Variants in RXFP1 observed in about 807,000 individuals in gnomAD.
RXFP1 encodes relaxin family peptide receptor 1.
Under a neutral mutation model 89.8 loss-of-function variants are expected in RXFP1, and 73 were observed. The observed-to-expected ratio is 0.81, with a 90% confidence interval of 0.67 to 0.99. The LOEUF (loss-of-function observed/expected upper bound fraction) is 0.99, where lower values mean the gene tolerates loss of function less well. RXFP1 is among the 50% of genes least tolerant of loss of function. The probability of loss-of-function intolerance (pLI) is 0.00; values close to 1 mark genes in which losing one functional copy is unlikely to be tolerated. For missense variants in RXFP1, 793 were observed against 895.5 expected (o/e 0.89, Z 1.46); for synonymous variants, 277 against 305.5 (o/e 0.91, Z 0.97).
chr4:158,545,039 G>T (rs1307803494), intron 1 of RXFP1, among the ~76,000 whole-genome samples: 1 of 151,466 alleles, frequency 6.6e-6, no homozygotes. Flanking sequence ...TTCCACAATG[G>T]TTGAACTAGT....
At chr4:158,650,562 A>G (rs1430400899) in intron 17 of RXFP1, among the ~76,000 whole-genome samples, 1 of 151,904 alleles carries the variant, frequency 6.6e-6, no homozygotes, top group African/African-American at 2.4e-5. Flanking sequence ...TGAGGTCAGG[A>G]GTTGGAGACC....
intron 9 of RXFP1, among the ~76,000 whole-genome samples, chr4:158,622,878 C>T (rs897335738): frequency 6.6e-6 from 1 of 152,112 alleles, no homozygotes; most frequent in African/African-American, 2.4e-5. Flanking sequence ...AAGAAATTAA[C>T]TATGTAAGGT....
intron 2 of RXFP1, among the ~76,000 whole-genome samples, chr4:158,582,474 C>T (rs556247087): frequency 4.6e-5 from 7 of 152,204 alleles, no homozygotes; most frequent in African/African-American, 7.2e-5. Context: ...GGTCCTCTGC[C>T]GTAAGTCACC....
chr4:158,625,061 A>T (rs1333561193), intron 9 of RXFP1, among the ~76,000 whole-genome samples: 3 of 140,364 alleles, frequency 2.1e-5, no homozygotes, highest in Non-Finnish European at 4.5e-5. Context: ...CATTAAGCGC[A>T]TTTTGTGAGA....
intron 10 of RXFP1, among the ~76,000 whole-genome samples, chr4:158,627,555 T>C (rs1169495184): frequency 6.9e-6 from 1 of 145,374 alleles, no homozygotes; most frequent in Admixed American, 6.8e-5. Context: ...GTGTGTTTTA[T>C]GATCCAATAT....
chr4:158,628,549 T>C (rs1767383848), intron 10 of RXFP1, 89 bp from the exon 11 acceptor site: 5 of 580,858 alleles, frequency 8.6e-6, no homozygotes, highest in Non-Finnish European at 1.2e-5. Context: ...GTATATTCAT[T>C]ATCTTTGTTT....
chr4:158,631,685 A>G (rs1257402563), intron 11 of RXFP1, among the ~76,000 whole-genome samples: 2 of 152,198 alleles, frequency 1.3e-5, no homozygotes, highest in Non-Finnish European at 2.9e-5. Flanking sequence ...AAAGAAGAGC[A>G]TGGGGATTAA....
chr4:158,635,121 A>G (rs998559652), intron 12 of RXFP1, among the ~76,000 whole-genome samples: 1 of 151,564 alleles, frequency 6.6e-6, no homozygotes, highest in Non-Finnish European at 1.5e-5. Flanking sequence ...TTTGAGCAAT[A>G]CTGACATCTT....
At chr4:158,621,116 C>T (rs548039331) in intron 9 of RXFP1, among the ~76,000 whole-genome samples, 7 of 151,686 alleles carry the variant, frequency 4.6e-5, no homozygotes, top group Admixed American at 2.0e-4. Flanking sequence ...CCCGCCTGGG[C>T]GACAGTGAGA....
At chr4:158,635,125 A>G (rs1768895590) in intron 12 of RXFP1, among the ~76,000 whole-genome samples, 3 of 151,496 alleles carry the variant, frequency 2.0e-5, no homozygotes, top group African/African-American at 7.3e-5. Context: ...AGCAATACTG[A>G]CATCTTAATA....
At chr4:158,528,750 AC>A (rs1743235292) in intron 1 of RXFP1, among the ~76,000 whole-genome samples, 1 of 152,196 alleles carries the variant, frequency 6.6e-6, no homozygotes, top group African/African-American at 2.4e-5. Flanking sequence ...AGCAGAAGAA[AC>A]TTTGCCAACT....
chr4:158,543,666 A>C, intron 1 of RXFP1: 3 of 643,776 alleles, frequency 4.7e-6, no homozygotes, highest in Non-Finnish European at 5.8e-6. Flanking sequence ...CCACTTCTCT[A>C]TTCCATTTCA....
chr4:158,568,225 G>A (rs1754158842), intron 1 of RXFP1, among the ~76,000 whole-genome samples: 2 of 152,182 alleles, frequency 1.3e-5, no homozygotes, highest in South Asian at 2.1e-4. Flanking sequence ...AACACTCAAC[G>A]CGAGGGTCTG....
At chr4:158,548,976 T>A (rs1749311786) in intron 1 of RXFP1, among the ~76,000 whole-genome samples, 1 of 151,778 alleles carries the variant, frequency 6.6e-6, no homozygotes, top group African/African-American at 2.4e-5. Flanking sequence ...TCTCTGTATT[T>A]CCTGAATCTG....
At chr4:158,534,979 T>A in intron 1 of RXFP1, among the ~76,000 whole-genome samples, 1 of 148,200 alleles carries the variant, frequency 6.7e-6, no homozygotes, top group East Asian at 1.9e-4. Context: ...TAATATAAAA[T>A]TATTTATAAT....
chr4:158,641,391 A>G (rs1033079137), intron 14 of RXFP1, among the ~76,000 whole-genome samples: 5 of 152,054 alleles, frequency 3.3e-5, no homozygotes, highest in Non-Finnish European at 5.9e-5. Flanking sequence ...CTTCTCAAAA[A>G]GGGAGAAGTA....
chr4:158,630,302 C>T (rs1340508974), intron 11 of RXFP1, among the ~76,000 whole-genome samples: 1 of 152,202 alleles, frequency 6.6e-6, no homozygotes, highest in Non-Finnish European at 1.5e-5. Flanking sequence ...TAGACCCAAC[C>T]ATCTGTTGTA....
chr4:158,598,173 G>A (rs981754624), intron 3 of RXFP1, among the ~76,000 whole-genome samples: 6 of 152,116 alleles, frequency 3.9e-5, no homozygotes, highest in African/African-American at 1.4e-4. Flanking sequence ...AAGCCTACAA[G>A]CAGAAAACTC....
At chr4:158,559,072 GTTAAAATTT>G (rs1455472158) in intron 1 of RXFP1, among the ~76,000 whole-genome samples, 1 of 152,196 alleles carries the variant, frequency 6.6e-6, no homozygotes, top group Non-Finnish European at 1.5e-5. Flanking sequence ...CTTACACTGT[GTTAAAATTT>G]TTACATATTT....
Sources: allele counts gnomAD v4.1 joint callset (sites outside exome capture counted in the v4.1 genomes callset), GRCh38; gene constraint gnomAD v4.1.1; transcripts MANE v1.5; gene names NCBI Gene and HGNC (gene_info 2026-07-23, HGNC 2026-07-21).